SMARCC2: variants seen among roughly 807,000 people sequenced by gnomAD.
SMARCC2 encodes the protein SWI/SNF complex subunit SMARCC2.
In SMARCC2, 15 loss-of-function variants were observed where a neutral mutation model predicts 151.3. The ratio of observed to expected loss-of-function variants is 0.10; its 90% CI spans 0.07 to 0.15. The LOEUF is 0.15. Ranked by LOEUF, SMARCC2 falls within the 10% of genes least tolerant of loss-of-function variation. SMARCC2 has a pLI of 1.00. For missense variants in SMARCC2, 1,031 were observed against 1,599.7 expected, an observed-to-expected ratio of 0.64 and a Z score of 6.06; for synonymous variants, 590 against 609.5, an observed-to-expected ratio of 0.97 and a Z score of 0.47.
rs748582174 is a variant in SMARCC2 at position 56,171,275 on chromosome 12, C to T, written c.2343G>A (p.Arg781=). The change falls in exon 22 of 29, where the codon CGG becomes CGA. Residue 781 remains arginine, a synonymous_variant. Transcript: ENST00000550164. This position sits in a 1 kb window ranked among gnomAD's most constrained non-coding sequence, Gnocchi z 4.2. ...IAGTTSDEPE[R]IEESGNDEAR... is the part of the protein sequence containing the mutation. ...TGGGAACCTGCCTGGCCTTACCAATCCGCTCAGGCTCATCAGAGGTGGTTC... is the reference window on the plus strand; with the variant it reads ...TGGGAACCTGCCTGGCCTTACCAATTCGCTCAGGCTCATCAGAGGTGGTTC... 6 of 1,614,032 alleles carry T rather than the reference C, an allele frequency of 3.7e-6. No individual in the cohort carries two copies. The highest frequency in any genetic ancestry group is 5.1e-6 in the Non-Finnish European group (6 of 1,180,006).
At position 56,170,059 on chromosome 12, in the gene SMARCC2, T is replaced by C. The variant is rs1208315364; in HGVS notation, c.2412+85A>G. On this transcript the variant is annotated intron_variant, in intron 23 of 28. Transcript: ENST00000550164. The stretch of plus-strand genomic sequence containing the variant: ...GACAACCCCGTCCAAAACCAGCCCT[T>C]GCCCACCTAAGCTGAACAAGGCCAA... 2.2e-5 allele frequency: 32 copies of C among 1,452,668 alleles called. No homozygotes were observed. In the East Asian group the frequency reaches 6.4e-4, roughly 29 times the overall value. The allele number at this position is 1,452,668 out of a possible 1,614,324, so 90.0% of individuals were successfully genotyped here. A position where few individuals can be genotyped will look rare whatever the true frequency, so the allele number is the denominator to read the frequency against.
At chr12:56,179,409 G>A (rs1875675111) in intron 11 of SMARCC2, among the ~76,000 whole-genome samples, 1 of 152,130 alleles carries the variant, frequency 6.6e-6, no homozygotes, top group African/African-American at 2.4e-5. Flanking sequence ...TGAAAGCAGA[G>A]GATACTTTCC....
rs1162507888 is a variant in SMARCC2, at chr12:56,177,619, CTT to C, written c.1382+401_1382+402del. 3.3e-5 allele frequency among the ~76,000 whole-genome samples: 5 copies of C among 152,036 alleles called. No individual in the cohort carries two copies. The East Asian group carries it at 5.8e-4, about 18-fold the overall frequency. ...AACTGGTCTTCTATTAGTTCCTTCTCTTGTTTTTCTATTAAAACCTACTCTCA... is the reference window on the plus strand; with the variant it reads ...AACTGGTCTTCTATTAGTTCCTTCTCGTTTTTCTATTAAAACCTACTCTCA... On this transcript the variant is annotated intron_variant, in intron 15 of 28. Coordinates refer to ENST00000550164, the MANE Select transcript of SMARCC2 (RefSeq NM_001330288.2).
intron 7 of SMARCC2, 120 bp downstream of exon 7, chr12:56,183,741 G>A: frequency 3.1e-6 from 2 of 650,324 alleles, no homozygotes; most frequent in East Asian, 2.8e-5. Context: ...TAGGTGAGAG[G>A]AAAACAAATT....
intron 5 of SMARCC2, 97 bp from the exon 6 acceptor site, chr12:56,184,341 A>G (rs1380339691): frequency 2.4e-6 from 2 of 839,290 alleles, no homozygotes; most frequent in Non-Finnish European, 3.9e-6. Context: ...TTTGCTTATA[A>G]TAGTATTAAA....
chr12:56,183,768 A>G, intron 7 of SMARCC2, 93 bp downstream of exon 7: 1 of 766,026 alleles, frequency 1.3e-6, no homozygotes. Context: ...TCTAAAAATA[A>G]CTCTGAAAGA....
At chr12:56,180,345 G>A (rs577872088) in intron 11 of SMARCC2, among the ~76,000 whole-genome samples, 225 of 150,542 alleles carry the variant, frequency 1.5e-3, no homozygotes, top group African/African-American at 5.3e-3. Context: ...TCCTGACCTC[G>A]TGATCCGCCC....
intron 10 of SMARCC2, 72 bp from the exon 11 acceptor site, chr12:56,181,173 G>T: frequency 6.8e-7 from 1 of 1,480,192 alleles, no homozygotes; most frequent in South Asian, 1.2e-5. Context: ...TGAAGTTCAA[G>T]GGAAGGGAAG....
At chr12:56,177,157 C>G (rs1289065226) in intron 15 of SMARCC2, among the ~76,000 whole-genome samples, 3 of 151,868 alleles carry the variant, frequency 2.0e-5, no homozygotes, top group Non-Finnish European at 4.4e-5. Flanking sequence ...TGTTAGCCAG[C>G]ATGGTCGCGA....
At chr12:56,187,797 C>T (rs921205467) in intron 1 of SMARCC2, among the ~76,000 whole-genome samples, 1 of 152,162 alleles carries the variant, frequency 6.6e-6, no homozygotes, top group Non-Finnish European at 1.5e-5. Flanking sequence ...ACTGAGTGAG[C>T]TTGTGCATTT....
chr12:56,170,183 C>T lies in SMARCC2; in HGVS notation c.2373G>A (p.Arg791=). Residue 791 remains arginine, a synonymous_variant, in exon 23 of 29, where the codon CGG becomes CGA. Transcript: ENST00000550164. ...TCTCATCTGTGGCCTGGCCTTCCACCCGAGCCTCGTCATTCCCGCTCTCCT... is the reference window on the plus strand; with the variant it reads ...TCTCATCTGTGGCCTGGCCTTCCACTCGAGCCTCGTCATTCCCGCTCTCCT... ...RIEESGNDEA[R]VEGQATDEKK... The T allele has an allele frequency of 6.2e-7, 1 of 1,613,986 alleles. No homozygotes were observed. Among genetic ancestry groups the T allele is most frequent in the Non-Finnish European group, 8.5e-7 (1 of 1,179,908 alleles).
In SMARCC2 at chr12:56,175,583, G is replaced by A. The variant is rs113914554; in HGVS notation, c.1383-819C>T. Among the ~76,000 whole-genome samples, 879 of 152,108 alleles carry A rather than the reference G, an allele frequency of 5.8e-3. 8 individuals carry two copies. The highest frequency in any genetic ancestry group is 0.018 in the African/African-American group (765 of 41,460). On this transcript the variant is annotated intron_variant, in intron 15 of 28. Transcript: ENST00000550164. ...ATAAAGTACTAGTATAGTGCCTGGC[G>A]CATTGTAGGGGCTCAAAAAAATGGC... is the stretch of plus-strand genomic sequence containing the variant.
At chr12:56,172,197 T>A in intron 20 of SMARCC2, 1 of 549,768 alleles carries the variant, frequency 1.8e-6, no homozygotes, top group Non-Finnish European at 3.2e-6. Flanking sequence ...TCCTCCCACT[T>A]AGCCTCCTGA....
chr12:56,172,996 G>T lies in SMARCC2; in HGVS notation c.1684C>A (p.Arg562=), dbSNP rs199923600. The T allele has an allele frequency of 3.1e-6, 5 of 1,614,014 alleles. No individual in the cohort carries two copies. The African/African-American group carries it at 5.3e-5, about 17-fold the overall frequency. ...AGGTCATCCAGCTCTTTGCCCTTTC[G>T]CCCAGCCTTGGTATCAGCATCAACC... ...RQVDADTKAG[R]KGKELDDLVP... Residue 562 remains arginine (R), a synonymous_variant, in exon 18 of 29, where the codon CGA becomes AGA. Transcript: ENST00000550164.
intron 26 of SMARCC2, among the ~76,000 whole-genome samples, 182 bp from the exon 27 acceptor site, chr12:56,165,881 C>A (rs774349571): frequency 2.0e-5 from 3 of 152,246 alleles, no homozygotes; most frequent in Non-Finnish European, 4.4e-5. Context: ...ATTCCCATGA[C>A]CTTTATGTCT....
At chr12:56,172,861 T>C in intron 18 of SMARCC2, 76 bp downstream of exon 18, 2 of 1,576,532 alleles carry the variant, frequency 1.3e-6, no homozygotes, top group East Asian at 4.5e-5. Flanking sequence ...TCTGCTCTCA[T>C]GTCTCTTCTT....
rs781638637 is a variant in SMARCC2 at position 56,163,739 on chromosome 12, G to A, written c.3688C>T (p.Pro1230Ser). 5.7e-5 allele frequency: 87 copies of A among 1,513,450 alleles called. No individual in the cohort carries two copies. The highest frequency in any genetic ancestry group is 7.5e-5 in the Non-Finnish European group (86 of 1,141,846). 93.8% of individuals were successfully genotyped at this position (1,513,450 alleles called of 1,614,324 possible). The change falls in exon 29 of 29, where the codon CCC becomes TCC. Residue 1230 changes from proline to serine, a missense_variant. Pro to Ser is a moderately conservative substitution (Grantham distance 74, BLOSUM62 -1). This residue lies in a region of SMARCC2 where 310 missense variants were observed against 350.0 expected (regional missense o/e 0.89). Transcript: ENST00000550164. Reference protein sequence around the residue: ...PDPGTPLPPDPTAPSPGTVTP... With the variant: ...PDPGTPLPPDSTAPSPGTVTP... ...ACCGTGCCTGGGCTCGGGGCTGTGG[G>A]GTCTGGAGGCAGGGGGGTGCCTGGG...
intron 10 of SMARCC2, 30 bp from the exon 11 acceptor site, chr12:56,181,131 C>G: frequency 6.3e-7 from 1 of 1,598,700 alleles, no homozygotes; most frequent in Non-Finnish European, 8.5e-7. Context: ...AAAGAGAACC[C>G]AGTCATCCTT....
Position 56,178,511 on chromosome 12 carries a change from CCCCGTA to C in SMARCC2, c.1197_1202del (p.Ser399_Gly401delinsArg). 7 of 1,614,198 alleles carry C rather than the reference CCCCGTA, an allele frequency of 4.3e-6. No homozygotes were observed. The highest frequency in any genetic ancestry group is 5.9e-6 in the Non-Finnish European group (7 of 1,180,024). On this transcript the variant is annotated inframe_deletion, in exon 14 of 29. Coordinates refer to ENST00000550164, the MANE Select transcript of SMARCC2 (RefSeq NM_001330288.2). ...GATTCTTGGTCTGCTCTCCCTTGTTCCCCGTACTGTTCTCATCCTCATCCTACGAGT... is the reference window on the plus strand; with the variant it reads ...GATTCTTGGTCTGCTCTCCCTTGTTCCTGTTCTCATCCTCATCCTACGAGT...
Sources: gnomAD v4.1 joint callset for allele counts (sites outside exome capture counted in the v4.1 genomes callset) on GRCh38, gnomAD v4.1.1 for gene constraint, gnomAD v4.1.1 regional missense constraint, Gnocchi (gnomAD v3.1) non-coding constraint, MANE v1.5 for transcripts, NCBI Gene and HGNC (gene_info 2026-07-23, HGNC 2026-07-21) for gene names.